PLEKHH3: variants seen among roughly 807,000 people sequenced by gnomAD.
PLEKHH3 encodes pleckstrin homology, MyTH4 and FERM domain containing H3, also known as pleckstrin homology domain-containing family H member 3.
Under a neutral mutation model 77.8 loss-of-function variants are expected in PLEKHH3, and 57 were observed. That is an observed-to-expected ratio of 0.73 (90% CI 0.59 to 0.91). The LOEUF (loss-of-function observed/expected upper bound fraction) is 0.91. Among genes scored for constraint, PLEKHH3 ranks in the 40% least tolerant of loss-of-function variants. The pLI is 0.00. For synonymous variants in PLEKHH3, 467 were observed against 504.8 expected (o/e 0.93, Z 1.00); for missense variants, 1,082 against 1,091.2 (o/e 0.99, Z 0.12).
In PLEKHH3 at chr17:42,671,561, G is replaced by T. The variant is rs1567958817; in HGVS notation, c.1077-3C>A. The T allele has an allele frequency of 6.2e-7, 1 of 1,605,852 alleles. No homozygotes were observed. The highest frequency in any genetic ancestry group is 8.5e-7 in the Non-Finnish European group (1 of 1,176,276). On this transcript the variant is annotated splice_region_variant and splice_polypyrimidine_tract_variant and intron_variant, in intron 7 of 12. Transcript: ENST00000591022. This position sits in a 1 kb window ranked among gnomAD's most constrained non-coding sequence, Gnocchi z 4.7. The stretch of plus-strand genomic sequence containing the variant: ...AGTCCGGGAGTGCCTGCTCGGTCCT[G>T]GGTTAGGAGGAACCCAGGGATCAAT...
In PLEKHH3 at chr17:42,673,452, C is replaced by T. The variant is rs150762885; in HGVS notation, c.595G>A (p.Ala199Thr). 17 of 1,612,990 alleles carry T rather than the reference C, an allele frequency of 1.1e-5. No homozygotes were observed. Among genetic ancestry groups the T allele is most frequent in the Non-Finnish European group, 1.4e-5 (16 of 1,179,862 alleles). Residue 199 changes from alanine (A) to threonine (T), a missense_variant, in exon 5 of 13, where the codon GCC becomes ACC. Ala to Thr is a moderately conservative substitution (Grantham distance 58). Around this residue, in one of 3 missense-constraint regions of PLEKHH3, gnomAD observed 344 missense variants for 320.8 expected, o/e 1.07. Coordinates refer to ENST00000591022, the MANE Select transcript of PLEKHH3 (RefSeq NM_024927.5). ...RWGVALREVI[A>T]SKAPLETPTQ... ...GGGGTCTCCAGGGGTGCCTTGGAGG[C>T]GATCACTTCCCGCAATGCCACCCCC...
chr17:42,669,405 T>C, intron 12 of PLEKHH3, 25 bp downstream of exon 12: 4 of 1,503,710 alleles, frequency 2.7e-6, no homozygotes, highest in Non-Finnish European at 3.6e-6. Flanking sequence ...TCTCTCCTCC[T>C]CCCACAACTC....
At position 42,671,893 on chromosome 17, in the gene PLEKHH3, C is replaced by T. The variant is rs561099874; in HGVS notation, c.1076+193G>A. Among the ~76,000 whole-genome samples the T allele has an allele frequency of 6.1e-4, 93 of 152,320 alleles. 1 individual carries two copies. The highest frequency in any genetic ancestry group is 1.7e-3 in the Admixed American group (26 of 15,298). ...TGGAGGAAAAGCAGCCTTTTCATAA[C>T]TCCTCAGCCCAAGGGGGGCGTTTTA... On this transcript the variant is annotated intron_variant, in intron 7 of 12. Coordinates refer to ENST00000591022, the MANE Select transcript of PLEKHH3 (RefSeq NM_024927.5). This position sits in a 1 kb window ranked among gnomAD's most constrained non-coding sequence, Gnocchi z 4.7.
At chr17:42,669,407 C>G in intron 12 of PLEKHH3, 23 bp downstream of exon 12, 10 of 1,505,048 alleles carry the variant, frequency 6.6e-6, no homozygotes, top group Non-Finnish European at 8.9e-6. Context: ...TCTCCTCCTC[C>G]CACAACTCCT....
At position 42,675,175 on chromosome 17, in the gene PLEKHH3, C is replaced by T. The variant is rs553290535; in HGVS notation, c.163-766G>A. The stretch of plus-strand genomic sequence containing the variant: ...TGGGGTCTGAGAGAGGCCACAAACC[C>T]AACCCGGAGGCCAGTCAGGCGGGAA... On this transcript the variant is annotated intron_variant, in intron 1 of 12. Coordinates refer to ENST00000591022, the MANE Select transcript of PLEKHH3 (RefSeq NM_024927.5). Among the ~76,000 whole-genome samples the T allele has an allele frequency of 7.9e-5, 12 of 152,282 alleles. No individual in the cohort carries two copies. The East Asian group carries it at 2.3e-3, about 29-fold the overall frequency.
At chr17:42,670,835 A>C (rs965453263) in intron 9 of PLEKHH3, 130 bp from the exon 10 acceptor site, 2 of 1,517,284 alleles carry the variant, frequency 1.3e-6, no homozygotes, top group Admixed American at 2.0e-5. Context: ...GTGATGCTGC[A>C]GTCGGACTGC....
At position 42,669,424 on chromosome 17, in the gene PLEKHH3, A is replaced by G. The variant is rs2052632252; in HGVS notation, c.2205+6T>C. ...TCCTCCTCCCACAACTCCTCTTCTC[A>G]CTCACCTGGGGGCTCTGCAGGAGGA... On this transcript the variant is annotated splice_donor_region_variant and intron_variant, in intron 12 of 12. Coordinates refer to ENST00000591022, the MANE Select transcript of PLEKHH3 (RefSeq NM_024927.5). 3 of 1,513,940 alleles carry G rather than the reference A, an allele frequency of 2.0e-6. No individual in the cohort carries two copies. The highest frequency in any genetic ancestry group is 1.3e-5 in the South Asian group (1 of 76,414). 93.8% of individuals were successfully genotyped at this position (1,513,940 alleles called of 1,614,324 possible).
At position 42,672,310 on chromosome 17, in the gene PLEKHH3, C is replaced by T. The variant is rs2052720761; in HGVS notation, c.852G>A (p.Gly284=). 1 of 1,548,974 alleles carries T rather than the reference C, an allele frequency of 6.5e-7. No individual in the cohort carries two copies. The highest frequency in any genetic ancestry group is 8.7e-7 in the Non-Finnish European group (1 of 1,146,666). ...TTTGGAGCACACCCTGCATCAAGGG[C>T]CCGGGGCGCCGCGCCCCCTCCAGCG... is the stretch of plus-strand genomic sequence containing the variant. The part of the protein sequence containing the change: ...LQALEGARRP[G]PLMQGVLQTC... The change falls in exon 7 of 13, where the codon GGG becomes GGA. Residue 284 remains glycine, a synonymous_variant. Coordinates refer to ENST00000591022, the MANE Select transcript of PLEKHH3 (RefSeq NM_024927.5).
At position 42,673,742 on chromosome 17, in the gene PLEKHH3, G is replaced by A. The variant is rs1410868320; in HGVS notation, c.391C>T (p.Gln131Ter). Reference protein sequence around the residue: ...WFVLTRDSLDQFSSSGKGARR... With the variant: ...WFVLTRDSLD ...GCCCCTTTCCCGCTGCTGCTGAACT[G>A]ATCCAGGGAGTCCCGCGTGAGCACA... is the stretch of plus-strand genomic sequence containing the variant. The change falls in exon 4 of 13, where the codon CAG (glutamine) becomes TAG (stop). Residue 131 changes from glutamine (Q) to a stop codon, truncating the protein, a stop_gained. Transcript: ENST00000591022. LOFTEE classifies it high-confidence loss of function. 6.3e-7 allele frequency: 1 copy of A among 1,599,912 alleles called. No homozygotes were observed. The highest frequency in any genetic ancestry group is 8.5e-7 in the Non-Finnish European group (1 of 1,179,522).
rs529935354 is a variant in PLEKHH3, at chr17:42,671,663, C to T, written c.1077-105G>A. The T allele has an allele frequency of 5.8e-5, 70 of 1,216,776 alleles. No homozygotes were observed. The highest frequency in any genetic ancestry group is 7.5e-5 in the Non-Finnish European group (66 of 880,504). 75.4% of individuals were successfully genotyped at this position (1,216,776 alleles called of 1,614,324 possible). Reference sequence around the variant, plus strand: ...TATTTTATCTAGCCGATTTCCTCCCCGCCCCAACTCAAGTTCTTTGAAGGC... The same window carrying T: ...TATTTTATCTAGCCGATTTCCTCCCTGCCCCAACTCAAGTTCTTTGAAGGC... On this transcript the variant is annotated intron_variant, in intron 7 of 12. Transcript: ENST00000591022. This position sits in a 1 kb window ranked among gnomAD's most constrained non-coding sequence, Gnocchi z 4.7.
rs745589939 is a variant in PLEKHH3 at position 42,670,724 on chromosome 17, C to T, written c.1422-19G>A. On this transcript the variant is annotated intron_variant, in intron 9 of 12. Transcript: ENST00000591022. ...GGCCAAGCTGCAGAAGAGGAGCGGA[C>T]GAAGCGCTAGGGAGAAGCCGGACCC... is the stretch of plus-strand genomic sequence containing the variant. The T allele has an allele frequency of 3.1e-6, 5 of 1,607,060 alleles. No individual in the cohort carries two copies. The highest frequency in any genetic ancestry group is 2.2e-5 in the East Asian group (1 of 44,610).
In PLEKHH3 at chr17:42,672,149, C is replaced by T; in HGVS notation, c.1013G>A (p.Cys338Tyr). ...AALRYWQLLT[C>Y]MSCTFRPGGA... ...CCCAGGTCGGAAGGTGCAGCTCATG[C>T]AGGTGAGGAGTTGCCAGTACCGCAG... is the stretch of plus-strand genomic sequence containing the variant. Residue 338 changes from cysteine to tyrosine, a missense_variant, in exon 7 of 13, where the codon TGC (cysteine) becomes TAC (tyrosine). Cys to Tyr is a radical substitution (Grantham distance 194). Around this residue, in one of 3 missense-constraint regions of PLEKHH3, gnomAD observed 733 missense variants for 750.0 expected, o/e 0.98. Transcript: ENST00000591022. 1 of 1,543,368 alleles carries T rather than the reference C, an allele frequency of 6.5e-7. No individual in the cohort carries two copies. Among genetic ancestry groups the T allele is most frequent in the African/African-American group, 1.4e-5 (1 of 73,144 alleles).
At chr17:42,669,795 G>T (rs1228955373) in intron 11 of PLEKHH3, 123 bp downstream of exon 11, 5 of 1,535,548 alleles carry the variant, frequency 3.3e-6, no homozygotes, top group Non-Finnish European at 2.6e-6. Flanking sequence ...TGACTCCTGG[G>T]GTTTGAGATG....
At position 42,671,066 on chromosome 17, in the gene PLEKHH3, T is replaced by TCGTACAG; in HGVS notation, c.1342_1348dup (p.Glu450AlafsTer26). 1.9e-6 allele frequency: 3 copies of TCGTACAG among 1,609,522 alleles called. No individual in the cohort carries two copies. The highest frequency in any genetic ancestry group is 2.5e-6 in the Non-Finnish European group (3 of 1,178,192). On this transcript the variant is annotated frameshift_variant, in exon 9 of 13. Transcript: ENST00000591022. LOFTEE classifies it high-confidence loss of function. The surrounding 1 kb of genome is among the most constrained non-coding windows in gnomAD (Gnocchi z 4.7). ...GGCTCGCTCCTGGGCCCCTCGCTGC[T>TCGTACAG]CGTACAGCGCGAATGCGTTGCGGCT...
In PLEKHH3 at chr17:42,671,615, T is replaced by C. The variant is rs1247214498; in HGVS notation, c.1077-57A>G. On this transcript the variant is annotated intron_variant, in intron 7 of 12. Coordinates refer to ENST00000591022, the MANE Select transcript of PLEKHH3 (RefSeq NM_024927.5). The surrounding 1 kb of genome is among the most constrained non-coding windows in gnomAD (Gnocchi z 4.7). ...CCAAGGGCTTTCTTCTCCCCCTCCC[T>C]CTTGCCTGCTTCTCTTATAGTTTAT... The C allele has an allele frequency of 2.7e-6, 4 of 1,492,656 alleles. No individual in the cohort carries two copies. The highest frequency in any genetic ancestry group is 3.6e-6 in the Non-Finnish European group (4 of 1,103,110). 92.5% of individuals were successfully genotyped at this position (1,492,656 alleles called of 1,614,324 possible). A position where few individuals can be genotyped will look rare whatever the true frequency, so the allele number is the denominator to read the frequency against.
Position 42,670,103 on chromosome 17 carries a change from C to A in PLEKHH3, c.1828G>T (p.Gly610Cys). 1 of 1,327,614 alleles carries A rather than the reference C, an allele frequency of 7.5e-7. No individual in the cohort carries two copies. 82.2% of individuals were successfully genotyped at this position (1,327,614 alleles called of 1,614,324 possible). ...CGGGCAATGCTTCCCGCAGTGCGGC[C>A]GGCCCCGCCGCGCCGGGCCCGCTCC... ...RAERARRGGA[G>C]RTAGSIAREG... The change falls in exon 11 of 13, where the codon GGC becomes TGC. Residue 610 changes from glycine (G) to cysteine (C), a missense_variant. By Grantham distance (159) the Gly-to-Cys change is radical. Transcript: ENST00000591022.
At position 42,673,668 on chromosome 17, in the gene PLEKHH3, G is replaced by GCCGGTCA; in HGVS notation, c.458_464dup (p.Pro156AspfsTer8). 6.2e-7 allele frequency: 1 copy of GCCGGTCA among 1,602,508 alleles called. No individual in the cohort carries two copies. Among genetic ancestry groups the GCCGGTCA allele is most frequent in the Non-Finnish European group, 8.5e-7 (1 of 1,179,894 alleles). On this transcript the variant is annotated frameshift_variant, in exon 4 of 13. Transcript: ENST00000591022. LOFTEE classifies it high-confidence loss of function. Reference sequence around the variant, plus strand: ...CTGTCTCCTTACGCCTGCGCTCTGGGCCGGTCACCGAGCACAGGCTGGTGA... The same window carrying GCCGGTCA: ...CTGTCTCCTTACGCCTGCGCTCTGGGCCGGTCACCGGTCACCGAGCACAGGCTGGTGA...
rs749177129 is a variant in PLEKHH3, at chr17:42,676,393, G to A, written c.162+9C>T. ...GATTGAGACGAGGCTCCGAACCCCC[G>A]GGACTTACCCTCCCGCCGCCCGCTG... On this transcript the variant is annotated intron_variant, in intron 1 of 12. Transcript: ENST00000591022. This position sits in a 1 kb window ranked among gnomAD's most constrained non-coding sequence, Gnocchi z 6.6. The A allele has an allele frequency of 1.9e-6, 3 of 1,612,596 alleles. No homozygotes were observed. The highest frequency in any genetic ancestry group is 2.5e-6 in the Non-Finnish European group (3 of 1,179,600).
chr17:42,675,517 C>G (rs1459836022), intron 1 of PLEKHH3, among the ~76,000 whole-genome samples: 1 of 152,194 alleles, frequency 6.6e-6, no homozygotes, highest in Admixed American at 6.5e-5. Flanking sequence ...CCTCCCTCCC[C>G]CCTCCTCTAT....
Sources: gnomAD v4.1 joint callset for allele counts (sites outside exome capture counted in the v4.1 genomes callset) on GRCh38, gnomAD v4.1.1 for gene constraint, gnomAD v4.1.1 regional missense constraint, Gnocchi (gnomAD v3.1) non-coding constraint, MANE v1.5 for transcripts, NCBI Gene and HGNC (gene_info 2026-07-23, HGNC 2026-07-21) for gene names.